The following ATP5MK variants were observed in gnomAD, a reference collection of about 807,000 sequenced individuals.
The protein encoded by ATP5MK is ATP synthase F(0) complex subunit k, mitochondrial.
Under a neutral mutation model 6.6 loss-of-function variants are expected in ATP5MK, and 5 were observed. The observed-to-expected ratio is 0.76, with a 90% confidence interval of 0.40 to 1.60. The LOEUF (loss-of-function observed/expected upper bound fraction) is 1.60, where lower values mean the gene tolerates loss of function less well. Ranked by LOEUF, ATP5MK falls within the 40% of genes most tolerant of loss-of-function variation. The pLI is 0.02. For synonymous variants in ATP5MK, 30 were observed against 24.5 expected, an observed-to-expected ratio of 1.22 and a Z score of -0.66; for missense variants, 57 against 66.6, an observed-to-expected ratio of 0.86 and a Z score of 0.50.
rs1310536278 is a variant in ATP5MK at position 103,393,977 on chromosome 10, A to G, written c.-9-1511T>C. On this transcript the variant is annotated intron_variant, in intron 2 of 4. Transcript: ENST00000369815. ...TGGTTCTGGGTCTTGTCCCTAGACC[A>G]GCAGCATTAGCATCACTGGAAACTT... Among the ~76,000 whole-genome samples, 4 of 152,260 alleles carry G rather than the reference A, an allele frequency of 2.6e-5. 1 individual carries two copies. The highest frequency in any genetic ancestry group is 2.6e-4 in the Admixed American group (4 of 15,292).
At chr10:103,393,954 G>C (rs765960116) in intron 2 of ATP5MK, among the ~76,000 whole-genome samples, 13 of 152,154 alleles carry the variant, frequency 8.5e-5, no homozygotes, top group Non-Finnish European at 1.6e-4. Context: ...CACGTCAATG[G>C]TTCTGGGTCT....
chr10:103,394,334 A>G (rs564465160), intron 2 of ATP5MK: 1 of 533,768 alleles, frequency 1.9e-6, no homozygotes, highest in Non-Finnish European at 3.9e-6. Context: ...GATTGGCAAC[A>G]CAGACGAGCC....
intron 2 of ATP5MK, among the ~76,000 whole-genome samples, chr10:103,393,676 T>C (rs976045612): frequency 3.9e-5 from 6 of 152,186 alleles, no homozygotes; most frequent in South Asian, 2.1e-4. Context: ...AAAATGAGTA[T>C]ACCCTTTCAT....
At chr10:103,395,542 C>A (rs934158079) in intron 2 of ATP5MK, among the ~76,000 whole-genome samples, 1 of 152,224 alleles carries the variant, frequency 6.6e-6, no homozygotes, top group African/African-American at 2.4e-5. Flanking sequence ...AGGTGATCTA[C>A]CCGCCTCGGC....
chr10:103,395,319 A>G (rs922774224), intron 2 of ATP5MK, among the ~76,000 whole-genome samples: 5 of 152,352 alleles, frequency 3.3e-5, no homozygotes, highest in Admixed American at 3.3e-4. Context: ...CCTTCTTGAG[A>G]CAAGGTCTCG....
chr10:103,389,570 G>A (rs1165067079), intron 4 of ATP5MK, among the ~76,000 whole-genome samples: 17 of 151,178 alleles, frequency 1.1e-4, no homozygotes, highest in African/African-American at 3.6e-4. Flanking sequence ...TGATCCACCC[G>A]CCTCAGCCTC....
intron 4 of ATP5MK, 112 bp from the exon 5 acceptor site, chr10:103,389,278 AT>A (rs1196336377): frequency 6.6e-6 from 1 of 152,220 alleles, no homozygotes; most frequent in Admixed American, 6.5e-5. Flanking sequence ...AATTTATTAG[AT>A]TGTCAAAGAT....
chr10:103,395,178 C>T (rs148886261), intron 2 of ATP5MK, among the ~76,000 whole-genome samples: 6 of 152,162 alleles, frequency 3.9e-5, no homozygotes, highest in Admixed American at 6.5e-5. Flanking sequence ...GTTCTGCACT[C>T]TTCAGCACGG....
rs2093432699 is a variant in ATP5MK at position 103,395,989 on chromosome 10, C to T, written c.-253G>A. On this transcript the variant is annotated 5_prime_UTR_variant, in exon 2 of 5. Coordinates refer to ENST00000369815, the MANE Select transcript of ATP5MK (RefSeq NM_001206427.2). ...GGCTGCAGCGCACCTAAAGGAGGCCCGGCTGGCCAGCTTCCTAAAGCACAG... is the reference window on the plus strand; with the variant it reads ...GGCTGCAGCGCACCTAAAGGAGGCCTGGCTGGCCAGCTTCCTAAAGCACAG... The T allele has an allele frequency of 1.3e-5, 2 of 152,280 alleles. No homozygotes were observed. Among genetic ancestry groups the T allele is most frequent in the Admixed American group, 1.3e-4 (2 of 15,278 alleles). 9.4% of individuals were successfully genotyped at this position (152,280 alleles called of 1,614,324 possible). A position where few individuals can be genotyped will look rare whatever the true frequency, so the allele number is the denominator to read the frequency against.
intron 4 of ATP5MK, among the ~76,000 whole-genome samples, chr10:103,389,485 G>T (rs1194055148): frequency 6.6e-6 from 1 of 152,014 alleles, no homozygotes; most frequent in African/African-American, 2.4e-5. Context: ...ACCACACCCG[G>T]CTAATTTTGT....
chr10:103,395,342 G>C (rs1485835679), intron 2 of ATP5MK, among the ~76,000 whole-genome samples: 2 of 152,226 alleles, frequency 1.3e-5, no homozygotes, highest in Non-Finnish European at 2.9e-5. Context: ...CTGTCGTCCA[G>C]GCTGGAGTGC....
At chr10:103,391,799 C>T (rs912347353) in intron 4 of ATP5MK, among the ~76,000 whole-genome samples, 3 of 151,960 alleles carry the variant, frequency 2.0e-5, no homozygotes, top group Non-Finnish European at 2.9e-5. Context: ...CAAGCCACTG[C>T]ACCCAGCCTC....
chr10:103,389,960 G>C (rs1423416228), intron 4 of ATP5MK, among the ~76,000 whole-genome samples: 2 of 152,004 alleles, frequency 1.3e-5, no homozygotes, highest in South Asian at 2.1e-4. Flanking sequence ...TCGAACTCCT[G>C]ATCTCAGATG....
At chr10:103,393,352 C>T (rs1469821002) in intron 2 of ATP5MK, among the ~76,000 whole-genome samples, 3 of 152,016 alleles carry the variant, frequency 2.0e-5, no homozygotes, top group Admixed American at 6.6e-5. Context: ...GAGGCCAAGG[C>T]GGGTGGATGC....
At chr10:103,395,271 G>A (rs2093428591) in intron 2 of ATP5MK, among the ~76,000 whole-genome samples, 1 of 152,156 alleles carries the variant, frequency 6.6e-6, no homozygotes, top group Non-Finnish European at 1.5e-5. Flanking sequence ...ATTTAATGTT[G>A]TTAAACGGTG....
rs374345628 is a variant in ATP5MK at position 103,391,809 on chromosome 10, C to T, written c.*3+382G>A. On this transcript the variant is annotated intron_variant, in intron 4 of 4. Transcript: ENST00000369815. ...AGGCACAAGCCACTGCACCCAGCCT[C>T]TTTTTCTTTTTTTTGAGACACGATT... is the stretch of plus-strand genomic sequence containing the variant. Among the ~76,000 whole-genome samples, 197 of 151,980 alleles carry T rather than the reference C, an allele frequency of 1.3e-3. 1 individual carries two copies. Among genetic ancestry groups the T allele is most frequent in the African/African-American group, 4.6e-3 (191 of 41,488 alleles).
At position 103,392,170 on chromosome 10, in the gene ATP5MK, G is replaced by A. The variant is rs371021098; in HGVS notation, c.*3+21C>T. The A allele has an allele frequency of 4.7e-5, 75 of 1,580,378 alleles. No individual in the cohort carries two copies. In the Middle Eastern group the frequency reaches 8.3e-4, roughly 17 times the overall value. On this transcript the variant is annotated intron_variant, in intron 4 of 4. Coordinates refer to ENST00000369815, the MANE Select transcript of ATP5MK (RefSeq NM_001206427.2). ...ACATCAAAATGGCTAAATTATAAAG[G>A]TTTAAATGTCAACTTCTTACCATTT...
chr10:103,396,388 C>T (rs1021310666), intron 1 of ATP5MK, 21 bp downstream of exon 1: 30 of 152,356 alleles, frequency 2.0e-4, no homozygotes, highest in Admixed American at 1.8e-3. Flanking sequence ...GGTCCAAGCC[C>T]GGACTCCCCT....
intron 4 of ATP5MK, among the ~76,000 whole-genome samples, chr10:103,390,877 C>G (rs751990764): frequency 1.3e-5 from 2 of 151,584 alleles, no homozygotes; most frequent in African/African-American, 2.4e-5. Context: ...GCCAACACAA[C>G]AGATATTTAA....
Sources: gnomAD v4.1 joint callset for allele counts (sites outside exome capture counted in the v4.1 genomes callset) on GRCh38, gnomAD v4.1.1 for gene constraint, MANE v1.5 for transcripts, NCBI Gene and HGNC (gene_info 2026-07-23, HGNC 2026-07-21) for gene names.